Variants in DSCAM observed in about 807,000 individuals in gnomAD.
The protein encoded by DSCAM is cell adhesion molecule DSCAM.
Under a neutral mutation model 217.7 loss-of-function variants are expected in DSCAM, and 47 were observed. The ratio of observed to expected loss-of-function variants is 0.22; its 90% confidence interval spans 0.17 to 0.28. DSCAM has a LOEUF of 0.28. Among genes scored for constraint, DSCAM ranks in the 10% least tolerant of loss-of-function variants. The pLI, the probability that DSCAM is intolerant of heterozygous loss-of-function variation, is 1.00. For synonymous variants in DSCAM, 1,056 were observed against 1,015.3 expected (o/e 1.04, Z -0.76); for missense variants, 2,080 against 2,618.3 (o/e 0.79, Z 4.49).
chr21:40,739,536 G>A (rs1247135143), intron 1 of DSCAM, among the ~76,000 whole-genome samples: 3 of 152,162 alleles, frequency 2.0e-5, no homozygotes, highest in Non-Finnish European at 4.4e-5. Context: ...CCCTCTGTGT[G>A]AGTCTTTGTC....
intron 18 of DSCAM, among the ~76,000 whole-genome samples, chr21:40,134,580 C>A (rs2090188027): frequency 1.3e-5 from 2 of 152,224 alleles, no homozygotes; most frequent in Non-Finnish European, 1.5e-5. Context: ...CTATAGTCAC[C>A]ACTTTGTACA....
intron 1 of DSCAM, among the ~76,000 whole-genome samples, chr21:40,834,736 G>A (rs1208744714): frequency 6.6e-6 from 1 of 152,064 alleles, no homozygotes; most frequent in Non-Finnish European, 1.5e-5. Context: ...CCAGGAGAGA[G>A]CAAACCACCA....
chr21:40,391,758 T>C (rs1239722026), intron 3 of DSCAM, among the ~76,000 whole-genome samples: 1 of 152,234 alleles, frequency 6.6e-6, no homozygotes, highest in African/African-American at 2.4e-5. Context: ...ATTACCACAT[T>C]GCTGTTATCG....
chr21:40,566,520 A>G (rs1285568408), intron 3 of DSCAM, among the ~76,000 whole-genome samples: 1 of 152,200 alleles, frequency 6.6e-6, no homozygotes, highest in African/African-American at 2.4e-5. Flanking sequence ...CACCCAACAC[A>G]TTATTCATTA....
chr21:40,451,212 A>G (rs1336901556), intron 3 of DSCAM, among the ~76,000 whole-genome samples: 1 of 152,226 alleles, frequency 6.6e-6, no homozygotes, highest in Non-Finnish European at 1.5e-5. Flanking sequence ...CCAAAGGGCC[A>G]CAATGTAAGA....
chr21:40,586,175 T>C (rs1208560288), intron 3 of DSCAM, among the ~76,000 whole-genome samples: 1 of 152,166 alleles, frequency 6.6e-6, no homozygotes, highest in Non-Finnish European at 1.5e-5. Context: ...TTTGTTTCTG[T>C]TCTTGCCATG....
At chr21:40,776,350 T>C (rs778755705) in intron 1 of DSCAM, among the ~76,000 whole-genome samples, 2 of 152,214 alleles carry the variant, frequency 1.3e-5, no homozygotes, top group East Asian at 1.9e-4. Flanking sequence ...AGGTACTGTG[T>C]CTTTCAGGAT....
intron 3 of DSCAM, among the ~76,000 whole-genome samples, chr21:40,375,145 G>A (rs2074937399): frequency 6.6e-6 from 1 of 152,058 alleles, no homozygotes; most frequent in African/African-American, 2.4e-5. Context: ...TAACAGGAAG[G>A]CCCTCTGCTT....
chr21:40,377,381 A>G (rs1210536190), intron 3 of DSCAM, among the ~76,000 whole-genome samples: 1 of 152,104 alleles, frequency 6.6e-6, no homozygotes, highest in Non-Finnish European at 1.5e-5. Context: ...GGCATGGGCA[A>G]GCGGAGGTAC....
chr21:40,657,456 G>C (rs1568967099), intron 3 of DSCAM, among the ~76,000 whole-genome samples: 1 of 152,154 alleles, frequency 6.6e-6, no homozygotes, highest in African/African-American at 2.4e-5. Context: ...AGCAACATTA[G>C]TGGGCTAGTT....
At position 40,404,368 on chromosome 21, in the gene DSCAM, A is replaced by G. The variant is rs374607890; in HGVS notation, c.509-35123T>C. On this transcript the variant is annotated intron_variant, in intron 3 of 32. Coordinates refer to ENST00000400454, the MANE Select transcript of DSCAM (RefSeq NM_001389.5). The stretch of plus-strand genomic sequence containing the variant: ...ATCAAAGATTTTAGAGGAATTTTGG[A>G]CAATTTTGCAAGTGATTTCCTAAGA... Among the ~76,000 whole-genome samples the G allele has an allele frequency of 4.3e-4, 65 of 152,316 alleles. 1 individual carries two copies. Among genetic ancestry groups the G allele is most frequent in the Middle Eastern group, 3.4e-3 (1 of 294 alleles).
chr21:40,637,665 AT>A (rs1167407743), intron 3 of DSCAM, among the ~76,000 whole-genome samples: 1 of 126,918 alleles, frequency 7.9e-6, no homozygotes, highest in Non-Finnish European at 1.6e-5. Context: ...ATATATATAT[AT>A]AAATTTTTTT....
intron 11 of DSCAM, among the ~76,000 whole-genome samples, chr21:40,267,062 T>C (rs905726851): frequency 4.6e-5 from 7 of 151,946 alleles, no homozygotes; most frequent in East Asian, 3.9e-4. Flanking sequence ...GATAGAAAAC[T>C]ATATATTGAG....
chr21:40,727,019 C>T (rs2090962840), intron 1 of DSCAM, among the ~76,000 whole-genome samples: 2 of 152,192 alleles, frequency 1.3e-5, no homozygotes, highest in African/African-American at 4.8e-5. Context: ...ACTTCTTAGC[C>T]TCCATAATTG....
At chr21:40,295,901 C>G (rs2073948846) in intron 10 of DSCAM, among the ~76,000 whole-genome samples, 154 bp downstream of exon 10, 1 of 152,190 alleles carries the variant, frequency 6.6e-6, no homozygotes, top group African/African-American at 2.4e-5. Flanking sequence ...AGGTGGACAA[C>G]TAGGAATGTC....
chr21:40,036,792 G>A, intron 32 of DSCAM, among the ~76,000 whole-genome samples: 1 of 146,648 alleles, frequency 6.8e-6, no homozygotes, highest in Admixed American at 6.7e-5. Context: ...ACCGAATCCA[G>A]CAGCACATCA....
At chr21:40,327,815 T>C (rs2074334058) in intron 8 of DSCAM, among the ~76,000 whole-genome samples, 1 of 152,094 alleles carries the variant, frequency 6.6e-6, no homozygotes, top group East Asian at 1.9e-4. Flanking sequence ...ATGATAAAGC[T>C]ACAAGGCAAA....
At chr21:40,124,005 T>C (rs2090066166) in intron 20 of DSCAM, among the ~76,000 whole-genome samples, 190 bp downstream of exon 20, 1 of 152,114 alleles carries the variant, frequency 6.6e-6, no homozygotes, top group Non-Finnish European at 1.5e-5. Flanking sequence ...CTTGTCATGA[T>C]TCAGGAGCGT....
intron 16 of DSCAM, among the ~76,000 whole-genome samples, chr21:40,163,608 CCTCTT>C: frequency 6.6e-6 from 1 of 151,888 alleles, no homozygotes; most frequent in African/African-American, 2.4e-5. Flanking sequence ...GAAAGATATT[CCTCTT>C]GAATATCTTT....
Sources: allele counts gnomAD v4.1 joint callset (sites outside exome capture counted in the v4.1 genomes callset), GRCh38; gene constraint gnomAD v4.1.1; transcripts MANE v1.5; gene names NCBI Gene and HGNC (gene_info 2026-07-23, HGNC 2026-07-21).